Variants in CCDC80 observed in about 807,000 individuals in gnomAD.
CCDC80 encodes coiled-coil domain containing 80.
Under a neutral mutation model 78.7 loss-of-function variants are expected in CCDC80, and 49 were observed. That is an observed-to-expected ratio of 0.62 (90% CI 0.50 to 0.79). The LOEUF (loss-of-function observed/expected upper bound fraction) is 0.79. Ranked by LOEUF, CCDC80 falls within the 30% of genes least tolerant of loss-of-function variation. The pLI is 0.00. For missense variants in CCDC80, 1,205 were observed against 1,198.6 expected (o/e 1.01, Z -0.08); for synonymous variants, 488 against 447.0 (o/e 1.09, Z -1.16).
In CCDC80 at chr3:112,602,544, T is replaced by C. The variant is rs1475189935; in HGVS notation, c.*2873A>G. 6 of 152,216 alleles carry C rather than the reference T, an allele frequency of 3.9e-5. No homozygotes were observed. The highest frequency in any genetic ancestry group is 3.9e-4 in the Admixed American group (6 of 15,288). 9.4% of individuals were successfully genotyped at this position (152,216 alleles called of 1,614,324 possible). On this transcript the variant is annotated 3_prime_UTR_variant, in exon 8 of 8. Transcript: ENST00000206423. ...GAAATTAAAAGTGCTACTTTGTGAATGCATGAATGATAAAAAAGTAAAACA... is the reference window on the plus strand; with the variant it reads ...GAAATTAAAAGTGCTACTTTGTGAACGCATGAATGATAAAAAAGTAAAACA...
In CCDC80 at chr3:112,639,762, T is replaced by C. The variant is rs370111568; in HGVS notation, c.144A>G (p.Pro48=). 105 of 1,614,046 alleles carry C rather than the reference T, an allele frequency of 6.5e-5. No individual in the cohort carries two copies. Among genetic ancestry groups the C allele is most frequent in the Non-Finnish European group, 8.7e-5 (103 of 1,180,036 alleles). Residue 48 remains proline (P), a synonymous_variant, in exon 2 of 8, where the codon CCA becomes CCG. Transcript: ENST00000206423. ...VPLVSPDSSR[P]ARFLRHTGRS... ...TCCCAGTGTGCCTCAGAAACCGAGC[T>C]GGCCTACTGCTGTCCGGAGAAACCA...
At chr3:112,620,697 A>C (rs935096787) in intron 3 of CCDC80, among the ~76,000 whole-genome samples, 7 of 152,178 alleles carry the variant, frequency 4.6e-5, no homozygotes, top group African/African-American at 1.7e-4. Flanking sequence ...AACAAGGAAC[A>C]TATTTTACTT....
Position 112,598,848 on chromosome 3 carries a change from G to A in CCDC80, c.*6569C>T, listed in dbSNP as rs147753427. On this transcript the variant is annotated 3_prime_UTR_variant, in exon 8 of 8. Coordinates refer to ENST00000206423, the MANE Select transcript of CCDC80 (RefSeq NM_199511.3). Reference sequence around the variant, plus strand: ...CTGTAAGGAGATGATGAGGGGTTCTGTGTGTTGGAGGTGATGACCTCATTG... The same window carrying A: ...CTGTAAGGAGATGATGAGGGGTTCTATGTGTTGGAGGTGATGACCTCATTG... 2 of 152,412 alleles carry A rather than the reference G, an allele frequency of 1.3e-5. No homozygotes were observed. The highest frequency in any genetic ancestry group is 4.8e-5 in the African/African-American group (2 of 41,566). The allele number at this position is 152,412 out of a possible 1,614,324, so 9.4% of individuals were successfully genotyped here. A position where few individuals can be genotyped will look rare whatever the true frequency, so the allele number is the denominator to read the frequency against.
Position 112,638,143 on chromosome 3 carries a change from C to G in CCDC80, c.1763G>C (p.Gly588Ala). 6.2e-7 allele frequency: 1 copy of G among 1,614,146 alleles called. No individual in the cohort carries two copies. The highest frequency in any genetic ancestry group is 8.5e-7 in the Non-Finnish European group (1 of 1,180,022). Residue 588 changes from glycine to alanine, a missense_variant, in exon 2 of 8, where the codon GGA becomes GCA. By Grantham distance (60) the Gly-to-Ala change is moderately conservative. Transcript: ENST00000206423. ...ATAGCCATCCTGTTCTGTTTTACCT[C>G]CTTTTTTCTTCTTGCTCTTCTCTTT... ...QEKEKSKKKK[G>A]GKTEQDGYQK...
At chr3:112,632,603 A>T (rs576469827) in intron 2 of CCDC80, among the ~76,000 whole-genome samples, 1 of 152,288 alleles carries the variant, frequency 6.6e-6, no homozygotes, top group South Asian at 2.1e-4. Context: ...TATATTAAGG[A>T]TATCAGACAG....
intron 3 of CCDC80, among the ~76,000 whole-genome samples, chr3:112,623,777 G>A (rs1000768574): frequency 3.3e-5 from 5 of 150,966 alleles, no homozygotes; most frequent in African/African-American, 7.3e-5. Flanking sequence ...CCCTATTTTC[G>A]GTCTCTAGAA....
rs200657012 is a variant in CCDC80, at chr3:112,638,794, A to T, written c.1112T>A (p.Val371Asp). The T allele has an allele frequency of 2.1e-5, 34 of 1,613,472 alleles. No homozygotes were observed. The East Asian group carries it at 6.9e-4, about 33-fold the overall frequency. The change falls in exon 2 of 8, where the codon GTT becomes GAT. Residue 371 changes from valine (V) to aspartate (D), a missense_variant. Physicochemically the swap from Val to Asp is radical, Grantham distance 152 (BLOSUM62 -3). Transcript: ENST00000206423. ...AGTGGTGGTCATAGGTCTTGCAGCA[A>T]CTGTTACCGCCCGGGACGTGGACCG... is the stretch of plus-strand genomic sequence containing the variant. ...VTRSTSRAVT[V>D]AARPMTTTAF... is the part of the protein sequence containing the mutation.
chr3:112,607,785 AAAAAG>A (rs1935545157), intron 6 of CCDC80, among the ~76,000 whole-genome samples: 2 of 152,338 alleles, frequency 1.3e-5, no homozygotes, highest in South Asian at 4.1e-4. Flanking sequence ...CGGTCTCAAA[AAAAAG>A]AAAAGATGAA....
At chr3:112,612,318 C>CT (rs1377204333) in intron 5 of CCDC80, among the ~76,000 whole-genome samples, 1 of 152,062 alleles carries the variant, frequency 6.6e-6, no homozygotes, top group Non-Finnish European at 1.5e-5. Context: ...TGTAGGGTGT[C>CT]TTGGAAGGAG....
Position 112,605,570 on chromosome 3 carries a change from T to TC in CCDC80, c.2699dup (p.Gln901ThrfsTer17). ...GTGACTGCTGAATCGCCATTTCCTG[T>TC]CTCCGAAGTTGCATCGAATCAATTA... On this transcript the variant is annotated frameshift_variant, in exon 8 of 8. Transcript: ENST00000206423. LOFTEE classifies it high-confidence loss of function. 1 of 1,614,164 alleles carries TC rather than the reference T, an allele frequency of 6.2e-7. No individual in the cohort carries two copies. Among genetic ancestry groups the TC allele is most frequent in the Admixed American group, 1.7e-5 (1 of 60,026 alleles).
intron 7 of CCDC80, among the ~76,000 whole-genome samples, chr3:112,606,187 A>C (rs1264167171): frequency 6.6e-5 from 10 of 152,262 alleles, no homozygotes; most frequent in Admixed American, 6.5e-4. Flanking sequence ...TTCATTGTTA[A>C]AAGTGAAAAT....
At chr3:112,625,565 T>A (rs943007510) in intron 3 of CCDC80, among the ~76,000 whole-genome samples, 3 of 152,164 alleles carry the variant, frequency 2.0e-5, no homozygotes, top group Non-Finnish European at 2.9e-5. Context: ...AATTTTTTGA[T>A]AAGAAATGGG....
At chr3:112,627,482 G>A (rs530492219) in intron 3 of CCDC80, among the ~76,000 whole-genome samples, 39 of 152,308 alleles carry the variant, frequency 2.6e-4, no homozygotes, top group African/African-American at 9.1e-4. Context: ...GGTGAGTACG[G>A]CCCACACTGT....
At chr3:112,640,086 A>G (rs1936313132) in intron 1 of CCDC80, 170 bp from the exon 2 acceptor site, 1 of 735,384 alleles carries the variant, frequency 1.4e-6, no homozygotes, top group African/African-American at 1.9e-5. Context: ...ATGGGATGAG[A>G]TCCTGTTACT....
chr3:112,631,208 T>G (rs1239393654), intron 2 of CCDC80, among the ~76,000 whole-genome samples: 1 of 152,200 alleles, frequency 6.6e-6, no homozygotes, highest in Non-Finnish European at 1.5e-5. Flanking sequence ...CTTGATTAAT[T>G]TAGCTGCCCT....
chr3:112,626,919 G>A (rs1007339045), intron 3 of CCDC80, among the ~76,000 whole-genome samples: 2 of 152,070 alleles, frequency 1.3e-5, no homozygotes, highest in African/African-American at 4.8e-5. Context: ...CTCTCTCCTT[G>A]TTGCCATATT....
intron 5 of CCDC80, among the ~76,000 whole-genome samples, chr3:112,613,024 G>C (rs1180174558): frequency 2.0e-5 from 3 of 152,024 alleles, no homozygotes; most frequent in East Asian, 1.9e-4. Context: ...TTGACTACTT[G>C]CTTTGTACTG....
chr3:112,619,094 C>T lies in CCDC80; in HGVS notation c.2046G>A (p.Lys682=), dbSNP rs1935812355. Residue 682 remains lysine (K), a synonymous_variant, in exon 4 of 8, where the codon AAG becomes AAA. Coordinates refer to ENST00000206423, the MANE Select transcript of CCDC80 (RefSeq NM_199511.3). ...CTTCATCATCCACCACTCGCATGGG[C>T]TTCTCATTATCTTAAGGGAAATAAA... ...KIDHFQLDNE[K]PMRVVDDEDL... 1.9e-6 allele frequency: 3 copies of T among 1,587,556 alleles called. No individual in the cohort carries two copies. The highest frequency in any genetic ancestry group is 2.3e-5 in the East Asian group (1 of 44,430).
At chr3:112,617,702 CT>C (rs35071343) in intron 4 of CCDC80, among the ~76,000 whole-genome samples, 3 of 152,174 alleles carry the variant, frequency 2.0e-5, no homozygotes, top group Non-Finnish European at 4.4e-5. Flanking sequence ...CATAGACAGC[CT>C]TTTTTTCCCG....
Sources: gnomAD v4.1 joint callset for allele counts (sites outside exome capture counted in the v4.1 genomes callset) on GRCh38, gnomAD v4.1.1 for gene constraint, MANE v1.5 for transcripts, NCBI Gene and HGNC (gene_info 2026-07-23, HGNC 2026-07-21) for gene names.